Variants in PLD5 observed in about 807,000 individuals in gnomAD.
PLD5 encodes phospholipase D family member 5, also known as inactive phospholipase D5.
Under a neutral mutation model 61.1 loss-of-function variants are expected in PLD5, and 36 were observed. The ratio of observed to expected loss-of-function variants is 0.59; its 90% CI spans 0.45 to 0.78. PLD5 has a LOEUF of 0.78. Among genes scored for constraint, PLD5 ranks in the 30% least tolerant of loss-of-function variants. The pLI, the probability that PLD5 is intolerant of heterozygous loss-of-function variation, is 0.00. For missense variants in PLD5, 515 were observed against 644.4 expected (o/e 0.80, Z 2.17); for synonymous variants, 243 against 242.8 (o/e 1.00, Z -0.01).
intron 9 of PLD5, among the ~76,000 whole-genome samples, chr1:242,094,109 G>A (rs1418343812): frequency 6.6e-6 from 1 of 151,772 alleles, no homozygotes; most frequent in Non-Finnish European, 1.5e-5. Flanking sequence ...TAATTGGGAT[G>A]CAATTTCATC....
rs796112075 is a variant in PLD5 at position 242,207,870 on chromosome 1, A to T, written c.735+12118T>A. Reference sequence around the variant, plus strand: ...TATATATTTATATATTTATATATTTATATATATTTATATATTTATATATAT... The same window carrying T: ...TATATATTTATATATTTATATATTTTTATATATTTATATATTTATATATAT... On this transcript the variant is annotated intron_variant, in intron 5 of 9. Transcript: ENST00000536534. Among the ~76,000 whole-genome samples, 63 of 49,348 alleles carry T rather than the reference A, an allele frequency of 1.3e-3. 7 individuals are homozygous for T. The highest frequency in any genetic ancestry group is 5.6e-3 in the African/African-American group (56 of 10,044). The allele number at this position is 49,348 out of a possible 152,430, so 32.4% of individuals were successfully genotyped here.
At chr1:242,171,427 T>TCAC (rs1666738167) in intron 5 of PLD5, among the ~76,000 whole-genome samples, 1 of 150,820 alleles carries the variant, frequency 6.6e-6, no homozygotes, top group Non-Finnish European at 1.5e-5. Context: ...GCTGGGTGTT[T>TCAC]TGCAAAAACA....
chr1:242,356,655 C>T (rs1660768749), intron 1 of PLD5, among the ~76,000 whole-genome samples: 1 of 151,204 alleles, frequency 6.6e-6, no homozygotes, highest in African/African-American at 2.4e-5. Context: ...TGTTGTTTTC[C>T]TTTATAGTTT....
At chr1:242,178,785 T>G (rs536529158) in intron 5 of PLD5, among the ~76,000 whole-genome samples, 4 of 152,232 alleles carry the variant, frequency 2.6e-5, no homozygotes, top group South Asian at 2.1e-4. Context: ...AAGAAGCCAC[T>G]GATCCCTCCA....
chr1:242,487,188 G>A (rs1190628980), intron 1 of PLD5, among the ~76,000 whole-genome samples: 1 of 151,534 alleles, frequency 6.6e-6, no homozygotes, highest in African/African-American at 2.4e-5. Context: ...TTGTGCACAT[G>A]TACCCTAAAA....
intron 2 of PLD5, among the ~76,000 whole-genome samples, chr1:242,288,876 C>T (rs1198545844): frequency 1.3e-5 from 2 of 152,070 alleles, no homozygotes; most frequent in Non-Finnish European, 2.9e-5. Context: ...TTATTTTTCC[C>T]TGGAAGCAAT....
intron 1 of PLD5, among the ~76,000 whole-genome samples, chr1:242,450,195 A>T (rs1666726251): frequency 6.6e-6 from 1 of 152,246 alleles, no homozygotes; most frequent in Non-Finnish European, 1.5e-5. Flanking sequence ...GCTGGCACAC[A>T]GCAGCAGCTG....
At chr1:242,218,488 G>A (rs1472615801) in intron 5 of PLD5, among the ~76,000 whole-genome samples, 1 of 152,174 alleles carries the variant, frequency 6.6e-6, no homozygotes, top group Non-Finnish European at 1.5e-5. Context: ...TCAATCCAGA[G>A]ATTAGTGAGT....
chr1:242,127,031 G>T (rs1662844026), intron 5 of PLD5, among the ~76,000 whole-genome samples: 1 of 152,038 alleles, frequency 6.6e-6, no homozygotes, highest in Non-Finnish European at 1.5e-5. Flanking sequence ...ATATACAAAT[G>T]GCCAACAAAC....
At chr1:242,091,855 T>C (rs1046545526) in intron 9 of PLD5, among the ~76,000 whole-genome samples, 2 of 149,502 alleles carry the variant, frequency 1.3e-5, no homozygotes, top group African/African-American at 4.9e-5. Flanking sequence ...TTTGAGATAG[T>C]CTTGCTCTGT....
intron 8 of PLD5, 62 bp downstream of exon 8, chr1:242,107,609 T>C: frequency 6.9e-7 from 1 of 1,441,156 alleles, no homozygotes; most frequent in Non-Finnish European, 9.3e-7. Context: ...TGCTTGCAGC[T>C]TTCACACACA....
intron 5 of PLD5, among the ~76,000 whole-genome samples, chr1:242,186,310 G>A (rs1042666215): frequency 1.3e-5 from 2 of 152,022 alleles, no homozygotes; most frequent in Non-Finnish European, 2.9e-5. Flanking sequence ...AGCCTCCCGA[G>A]TAGCTGGGAT....
intron 5 of PLD5, among the ~76,000 whole-genome samples, chr1:242,156,777 C>G (rs950381841): frequency 6.6e-5 from 10 of 152,060 alleles, no homozygotes; most frequent in Non-Finnish European, 1.5e-4. Flanking sequence ...CTCTGGCTGC[C>G]CTTAACATTT....
At chr1:242,091,474 T>C (rs1659817595) in intron 9 of PLD5, among the ~76,000 whole-genome samples, 1 of 152,078 alleles carries the variant, frequency 6.6e-6, no homozygotes, top group Admixed American at 6.6e-5. Context: ...GTCATAGATG[T>C]TTACAGTTGA....
chr1:242,292,143 C>T (rs1331963376), intron 2 of PLD5, among the ~76,000 whole-genome samples: 1 of 152,124 alleles, frequency 6.6e-6, no homozygotes, highest in African/African-American at 2.4e-5. Flanking sequence ...ATTCTATCCA[C>T]ATTTAAAGCC....
intron 3 of PLD5, among the ~76,000 whole-genome samples, chr1:242,279,106 G>C (rs1372707382): frequency 1.3e-5 from 2 of 152,182 alleles, no homozygotes; most frequent in Non-Finnish European, 2.9e-5. Context: ...ATACGATGTG[G>C]GTCCTAGAGT....
In PLD5 at chr1:242,524,499, G is replaced by A. The variant is rs1669385009; in HGVS notation, c.-223C>T. 1 of 205,074 alleles carries A rather than the reference G, an allele frequency of 4.9e-6. No homozygotes were observed. Among genetic ancestry groups the A allele is most frequent in the Admixed American group, 6.3e-5 (1 of 15,982 alleles). The allele number at this position is 205,074 out of a possible 1,614,324, so 12.7% of individuals were successfully genotyped here. A position where few individuals can be genotyped will look rare whatever the true frequency, so the allele number is the denominator to read the frequency against. ...GGGCGATCGCGGGAGGCGCGGGGCG[G>A]AAGGAGGGAGGGCGAGGTGCGGGCG... On this transcript the variant is annotated 5_prime_UTR_variant, in exon 1 of 10. Transcript: ENST00000536534.
intron 8 of PLD5, among the ~76,000 whole-genome samples, chr1:242,102,423 A>G (rs1336097789): frequency 6.6e-6 from 1 of 152,204 alleles, no homozygotes; most frequent in East Asian, 1.9e-4. Context: ...TTCGACACCT[A>G]ATACACTGTG....
chr1:242,434,933 G>A (rs963834573), intron 1 of PLD5, among the ~76,000 whole-genome samples: 1 of 152,078 alleles, frequency 6.6e-6, no homozygotes, highest in African/African-American at 2.4e-5. Context: ...TTGTTACATA[G>A]GTAAACATTT....
Sources: allele counts gnomAD v4.1 joint callset (sites outside exome capture counted in the v4.1 genomes callset), GRCh38; gene constraint gnomAD v4.1.1; transcripts MANE v1.5; gene names NCBI Gene and HGNC (gene_info 2026-07-23, HGNC 2026-07-21).